Variants in ZNF565 observed in about 807,000 individuals in gnomAD.
The protein encoded by ZNF565 is zinc finger protein 565.
In ZNF565, 27 loss-of-function variants were observed where a neutral mutation model predicts 39.4. The ratio of observed to expected loss-of-function variants is 0.69; its 90% CI spans 0.51 to 0.95. The LOEUF (loss-of-function observed/expected upper bound fraction) is 0.95. ZNF565 is among the 40% of genes least tolerant of loss of function. The pLI is 0.00. For synonymous variants in ZNF565, 185 were observed against 216.6 expected (o/e 0.85, Z 1.28); for missense variants, 524 against 621.1 (o/e 0.84, Z 1.66).
rs528619421 is a variant in ZNF565, at chr19:36,240,726, G to A, written c.55+4750C>T. 1.1e-4 allele frequency among the ~76,000 whole-genome samples: 17 copies of A among 151,938 alleles called. No individual in the cohort carries two copies. The East Asian group carries it at 2.3e-3, about 21-fold the overall frequency. Reference sequence around the variant, plus strand: ...TCTACTAAAATTACAAAAATTAGCCGGGTGTAGTGGCACACACCTGTAATC... The same window carrying A: ...TCTACTAAAATTACAAAAATTAGCCAGGTGTAGTGGCACACACCTGTAATC... On this transcript the variant is annotated intron_variant, in intron 1 of 4. Coordinates refer to the ZNF565 transcript ENST00000355114.
Position 36,236,487 on chromosome 19 carries a change from T to C in ZNF565, c.55+8989A>G, listed in dbSNP as rs775376166. ...AGAATTTACAGTGGGGAAAACCCCT[T>C]TGCCTGTAAGGTATGTGGAAAAGTC... is the stretch of plus-strand genomic sequence containing the variant. On this transcript the variant is annotated intron_variant, in intron 1 of 4. Coordinates refer to the ZNF565 transcript ENST00000355114. The C allele has an allele frequency of 6.2e-6, 10 of 1,613,398 alleles. No homozygotes were observed. The East Asian group carries it at 2.2e-4, about 36-fold the overall frequency.
At chr19:36,189,160 G>C (rs1341925933) in intron 4 of ZNF565, among the ~76,000 whole-genome samples, 1 of 152,038 alleles carries the variant, frequency 6.6e-6, no homozygotes, top group Non-Finnish European at 1.5e-5. Context: ...ATGGTGGCAT[G>C]TGCCTGTAGC....
At chr19:36,201,517 C>T (rs1975965160) in intron 2 of ZNF565, among the ~76,000 whole-genome samples, 1 of 151,958 alleles carries the variant, frequency 6.6e-6, no homozygotes, top group Non-Finnish European at 1.5e-5. Flanking sequence ...CTCTGTCTCC[C>T]AGGGTGGAGT....
At chr19:36,242,228 A>G (rs945506396) in intron 1 of ZNF565, among the ~76,000 whole-genome samples, 2 of 151,952 alleles carry the variant, frequency 1.3e-5, no homozygotes, top group South Asian at 4.1e-4. Flanking sequence ...CCTGGCCAAC[A>G]TGGTGAAACC....
chr19:36,245,449 T>G lies in ZNF565; in HGVS notation c.55+27A>C. On this transcript the variant is annotated intron_variant, in intron 1 of 4. Transcript: ENST00000355114. This position sits in a 1 kb window ranked among gnomAD's most constrained non-coding sequence, Gnocchi z 4.4. ...CAGAAAATCCGGATCACATTTCCCG[T>G]GGTCCACCGCGCATCTAGGAGGTTA... 1 of 701,952 alleles carries G rather than the reference T, an allele frequency of 1.4e-6. No individual in the cohort carries two copies. The highest frequency in any genetic ancestry group is 1.5e-5 in the South Asian group (1 of 67,548). 43.5% of individuals were successfully genotyped at this position (701,952 alleles called of 1,614,324 possible).
At chr19:36,220,654 C>T (rs909395168) in intron 1 of ZNF565, among the ~76,000 whole-genome samples, 6 of 152,124 alleles carry the variant, frequency 3.9e-5, no homozygotes, top group African/African-American at 1.4e-4. Context: ...GCGTGAGCCA[C>T]GGCGCCCGGC....
intron 1 of ZNF565, among the ~76,000 whole-genome samples, chr19:36,223,642 C>T (rs1976952780): frequency 6.6e-6 from 1 of 150,824 alleles, no homozygotes; most frequent in Non-Finnish European, 1.5e-5. Flanking sequence ...GGATTACAGG[C>T]GTGAGCCACC....
upstream of ZNF565, among the ~76,000 whole-genome samples, chr19:36,215,554 C>G (rs1433208801): frequency 6.6e-6 from 1 of 151,928 alleles, no homozygotes; most frequent in Non-Finnish European, 1.5e-5. Context: ...GTCTTTTTTA[C>G]TTGAAAATTG....
At chr19:36,222,778 C>CTT (rs55668684) in intron 1 of ZNF565, among the ~76,000 whole-genome samples, 12 of 100,882 alleles carry the variant, frequency 1.2e-4, no homozygotes, top group Admixed American at 4.2e-4. Flanking sequence ...TGAGTGGTGG[C>CTT]TTTTTTTTTT....
chr19:36,221,736 G>GT (rs370234883), intron 1 of ZNF565, among the ~76,000 whole-genome samples: 24 of 150,004 alleles, frequency 1.6e-4, no homozygotes, highest in Non-Finnish European at 2.7e-4. Flanking sequence ...AACATGTCTT[G>GT]TTTTTTTTTG....
In ZNF565 at chr19:36,183,526, A is replaced by G; in HGVS notation, c.440T>C (p.Val147Ala). Residue 147 changes from valine to alanine, a missense_variant, in exon 5 of 5, where the codon GTG (valine) becomes GCG (alanine). Coordinates refer to ENST00000304116, the MANE Select transcript of ZNF565 (RefSeq NM_152477.5). ...QVNVTYGHMP[V>A]FQHHTSHTVR... is the part of the protein sequence containing the mutation. ...AGTGTGAGACGTGTGATGCTGGAAC[A>G]CGGGCATATGTCCATAGGTGACGTT... The G allele has an allele frequency of 6.2e-7, 1 of 1,614,188 alleles. No individual in the cohort carries two copies. Among genetic ancestry groups the G allele is most frequent in the Non-Finnish European group, 8.5e-7 (1 of 1,180,034 alleles).
At chr19:36,223,426 G>A (rs1001429477) in intron 1 of ZNF565, among the ~76,000 whole-genome samples, 1 of 151,640 alleles carries the variant, frequency 6.6e-6, no homozygotes, top group Non-Finnish European at 1.5e-5. Flanking sequence ...GCAGTGGTGC[G>A]ATTTCGGCTC....
chr19:36,217,214 C>T (rs571239616), upstream of ZNF565, among the ~76,000 whole-genome samples: 26 of 151,692 alleles, frequency 1.7e-4, no homozygotes, highest in South Asian at 5.2e-3. Flanking sequence ...TTGCCTGCCA[C>T]CACACCCGGC....
intron 1 of ZNF565, among the ~76,000 whole-genome samples, chr19:36,235,049 A>G (rs891519555): frequency 6.6e-6 from 1 of 152,014 alleles, no homozygotes; most frequent in Non-Finnish European, 1.5e-5. Context: ...TCTTAGAAAG[A>G]TGAGCATTAT....
chr19:36,206,701 G>A (rs1310900030), intron 1 of ZNF565, among the ~76,000 whole-genome samples: 2 of 152,102 alleles, frequency 1.3e-5, no homozygotes, highest in Non-Finnish European at 2.9e-5. Context: ...GTGTGGTGGC[G>A]CATGCCTGTA....
At chr19:36,184,017 G>A (rs967852551) in intron 4 of ZNF565, among the ~76,000 whole-genome samples, 1 of 138,486 alleles carries the variant, frequency 7.2e-6, no homozygotes, top group Non-Finnish European at 1.5e-5. Context: ...GGCAGAGGTC[G>A]CAGTGAGCCG....
At chr19:36,216,614 C>T (rs1206090489), upstream of ZNF565, among the ~76,000 whole-genome samples, 2 of 149,024 alleles carry the variant, frequency 1.3e-5, no homozygotes, top group African/African-American at 2.5e-5. Flanking sequence ...GCCCAGATCT[C>T]GCCACTGCAC....
intron 1 of ZNF565, among the ~76,000 whole-genome samples, chr19:36,242,379 A>G (rs1267496053): frequency 6.6e-6 from 1 of 152,000 alleles, no homozygotes; most frequent in Non-Finnish European, 1.5e-5. Flanking sequence ...ATTGAACTCC[A>G]GCCTGGGTGG....
At chr19:36,244,849 TAAA>T (rs775546485) in intron 1 of ZNF565, among the ~76,000 whole-genome samples, 2 of 129,216 alleles carry the variant, frequency 1.5e-5, no homozygotes, top group Non-Finnish European at 1.6e-5. Flanking sequence ...GACTACGTCT[TAAA>T]AAAAAAAAAA....
Sources: allele counts gnomAD v4.1 joint callset (sites outside exome capture counted in the v4.1 genomes callset), GRCh38; gene constraint gnomAD v4.1.1; non-coding constraint Gnocchi (gnomAD v3.1); transcripts MANE v1.5; gene names NCBI Gene and HGNC (gene_info 2026-07-23, HGNC 2026-07-21).